The following CORO7 variants were observed in gnomAD, a reference collection of about 807,000 sequenced individuals.
CORO7 encodes coronin-7.
In CORO7, 107 loss-of-function variants were observed where a neutral mutation model predicts 126.6. The ratio of observed to expected loss-of-function variants is 0.85; its 90% CI spans 0.72 to 0.99. CORO7 has a LOEUF of 0.99. CORO7 is among the 50% of genes least tolerant of loss of function. CORO7 has a pLI of 0.00. For synonymous variants in CORO7, 603 were observed against 536.8 expected (o/e 1.12, Z -1.70); for missense variants, 1,314 against 1,255.8 (o/e 1.05, Z -0.70).
chr16:4,403,167 G>T (rs1206776710), intron 6 of CORO7, among the ~76,000 whole-genome samples: 1 of 152,036 alleles, frequency 6.6e-6, no homozygotes, highest in Non-Finnish European at 1.5e-5. Flanking sequence ...CTCCTGGTGT[G>T]GGGTGGGCCC....
At chr16:4,375,053 C>T (rs1424676781) in intron 9 of CORO7, among the ~76,000 whole-genome samples, 6 of 152,108 alleles carry the variant, frequency 3.9e-5, no homozygotes, top group Non-Finnish European at 1.5e-5. Flanking sequence ...GGGCTGCAGC[C>T]ACTGCACAGC....
At chr16:4,395,673 T>G (rs2055558795) in intron 6 of CORO7, among the ~76,000 whole-genome samples, 2 of 152,186 alleles carry the variant, frequency 1.3e-5, no homozygotes, top group African/African-American at 4.8e-5. Context: ...GAAGTGGTAC[T>G]ATCACCATGA....
rs2141174457 is a variant in CORO7 at position 4,357,965 on chromosome 16, C to T, written c.2593+3G>A. The stretch of plus-strand genomic sequence containing the variant: ...CCTCCCCACACCCAGTCCCTCGGTG[C>T]ACCTGGGCTCATGTCAGGAGGCTGC... On this transcript the variant is annotated splice_donor_region_variant and intron_variant, in intron 25 of 27. Coordinates refer to ENST00000251166, the MANE Select transcript of CORO7 (RefSeq NM_024535.5). 1 of 1,598,746 alleles carries T rather than the reference C, an allele frequency of 6.3e-7. No homozygotes were observed. The highest frequency in any genetic ancestry group is 2.3e-5 in the East Asian group (1 of 44,414).
At chr16:4,379,139 G>A (rs939919360) in intron 9 of CORO7, among the ~76,000 whole-genome samples, 2 of 151,878 alleles carry the variant, frequency 1.3e-5, no homozygotes, top group Non-Finnish European at 2.9e-5. Flanking sequence ...CTGGGGCGGA[G>A]TGCAGGCTGG....
At chr16:4,382,190 G>A in intron 9 of CORO7, 1 of 1,600,686 alleles carries the variant, frequency 6.2e-7, no homozygotes, top group Non-Finnish European at 8.5e-7. Flanking sequence ...GGCTTCACGG[G>A]CCTGTACTGT....
intron 6 of CORO7, among the ~76,000 whole-genome samples, chr16:4,403,378 G>A (rs2055883500): frequency 6.6e-6 from 1 of 152,152 alleles, no homozygotes; most frequent in Non-Finnish European, 1.5e-5. Context: ...CAGGGCTGAG[G>A]TACCCATTGG....
At chr16:4,401,243 G>T (rs1256308802) in intron 6 of CORO7, among the ~76,000 whole-genome samples, 2 of 152,244 alleles carry the variant, frequency 1.3e-5, no homozygotes, top group Non-Finnish European at 2.9e-5. Flanking sequence ...AAGAGGTGGA[G>T]AAAGGAACTT....
intron 9 of CORO7, among the ~76,000 whole-genome samples, chr16:4,383,951 C>T (rs752195187): frequency 8.5e-5 from 13 of 152,206 alleles, no homozygotes; most frequent in Non-Finnish European, 1.8e-4. Context: ...AAGTGGCCTC[C>T]GGGACCTTCT....
In CORO7 at chr16:4,382,389, T is replaced by C. The variant is rs1454248291; in HGVS notation, c.785+5597A>G. 2.5e-6 allele frequency: 4 copies of C among 1,612,016 alleles called. No homozygotes were observed. In the East Asian group the frequency reaches 6.7e-5, roughly 27 times the overall value. ...TCACCTATCGCAACCTATCGGGCCC[T>C]GATAAGCGGCTGGTGACGCTGCGAC... is the stretch of plus-strand genomic sequence containing the variant. On this transcript the variant is annotated intron_variant, in intron 9 of 27. Coordinates refer to ENST00000251166, the MANE Select transcript of CORO7 (RefSeq NM_024535.5).
rs566723867 is a variant in CORO7 at position 4,382,702 on chromosome 16, G to A, written c.785+5284C>T. On this transcript the variant is annotated intron_variant, in intron 9 of 27. Transcript: ENST00000251166. ...GCGGGGGCGGGCCATGGCAGCAGCG[G>A]CTCAGGACAAAGGGCAGGTGGGGCC... 1 of 1,548,884 alleles carries A rather than the reference G, an allele frequency of 6.5e-7. No individual in the cohort carries two copies.
chr16:4,355,053 G>T lies in CORO7; in HGVS notation c.*105C>A. 7.7e-7 allele frequency: 1 copy of T among 1,299,832 alleles called. No homozygotes were observed. 80.5% of individuals were successfully genotyped at this position (1,299,832 alleles called of 1,614,324 possible). ...CACGGGAAGGCAGGAGTGCAGGGGTGACATGTGCCGGGGCCAGAGAGGTAT... is the reference window on the plus strand; with the variant it reads ...CACGGGAAGGCAGGAGTGCAGGGGTTACATGTGCCGGGGCCAGAGAGGTAT... On this transcript the variant is annotated 3_prime_UTR_variant, in exon 28 of 28. Coordinates refer to ENST00000251166, the MANE Select transcript of CORO7 (RefSeq NM_024535.5).
intron 9 of CORO7, chr16:4,381,222 C>G: frequency 6.2e-7 from 1 of 1,612,210 alleles, no homozygotes. Flanking sequence ...TGCATGAAAT[C>G]ACCAATGAGA....
intron 6 of CORO7, among the ~76,000 whole-genome samples, chr16:4,398,205 C>T (rs918372312): frequency 6.6e-6 from 1 of 152,068 alleles, no homozygotes; most frequent in East Asian, 1.9e-4. Flanking sequence ...CAGGTGTGAG[C>T]CACCAGGCCT....
intron 4 of CORO7, 73 bp downstream of exon 4, chr16:4,408,108 T>TGGCGCTGGGGCTCAGAA: frequency 6.2e-7 from 1 of 1,606,310 alleles, no homozygotes; most frequent in Non-Finnish European, 8.5e-7. Flanking sequence ...CCTGTGGGGA[T>TGGCGCTGGGGCTCAGAA]GGCGCTGGGG....
intron 3 of CORO7, among the ~76,000 whole-genome samples, chr16:4,410,859 G>C (rs747974665): frequency 6.6e-6 from 1 of 152,300 alleles, no homozygotes; most frequent in African/African-American, 2.4e-5. Flanking sequence ...CAATGAATGG[G>C]CGTGGCAGCG....
chr16:4,381,898 G>A, intron 9 of CORO7: 2 of 1,606,064 alleles, frequency 1.2e-6, no homozygotes, highest in African/African-American at 1.3e-5. Flanking sequence ...GCTGCTCCTG[G>A]AGCTTGACTA....
At chr16:4,360,814 AC>A in intron 19 of CORO7, 128 bp downstream of exon 19, 1 of 1,162,372 alleles carries the variant, frequency 8.6e-7, no homozygotes. Context: ...TGCTGGCCCC[AC>A]CCCTCCTCGC....
intron 6 of CORO7, among the ~76,000 whole-genome samples, chr16:4,399,339 C>T (rs904209045): frequency 2.0e-5 from 3 of 152,144 alleles, no homozygotes; most frequent in African/African-American, 4.8e-5. Context: ...TAACCCTTGA[C>T]GATGCAGCAT....
chr16:4,362,617 A>G lies in CORO7; in HGVS notation c.1397T>C (p.Leu466Pro). ...TSPSLRSLQS[L>P]LGPSSKFRHA... ...TCCCCGTCCTGCCTCCTTACCCAGC[A>G]GGCTCTGCAGCGACCTCAAACTGGG... is the stretch of plus-strand genomic sequence containing the variant. The change falls in exon 15 of 28, where the codon CTG becomes CCG. Residue 466 changes from leucine (L) to proline (P), a missense_variant. Coordinates refer to ENST00000251166, the MANE Select transcript of CORO7 (RefSeq NM_024535.5). The surrounding 1 kb of genome is among the most constrained non-coding windows in gnomAD (Gnocchi z 5.3). The G allele has an allele frequency of 6.4e-7, 1 of 1,558,132 alleles. No homozygotes were observed. The highest frequency in any genetic ancestry group is 8.7e-7 in the Non-Finnish European group (1 of 1,155,048).
Sources: allele counts gnomAD v4.1 joint callset (sites outside exome capture counted in the v4.1 genomes callset), GRCh38; gene constraint gnomAD v4.1.1; non-coding constraint Gnocchi (gnomAD v3.1); transcripts MANE v1.5; gene names NCBI Gene and HGNC (gene_info 2026-07-23, HGNC 2026-07-21).